HACE1: variants seen among roughly 807,000 people sequenced by gnomAD.
HACE1 encodes the protein E3 ubiquitin-protein ligase HACE1.
Under a neutral mutation model 118.4 loss-of-function variants are expected in HACE1, and 73 were observed. That is an observed-to-expected ratio of 0.62 (90% CI 0.51 to 0.75). The LOEUF (loss-of-function observed/expected upper bound fraction) is 0.75. HACE1 is among the 30% of genes least tolerant of loss of function. The probability of loss-of-function intolerance (pLI) is 0.00; values close to 1 mark genes in which losing one functional copy is unlikely to be tolerated. For synonymous variants in HACE1, 368 were observed against 374.8 expected, an observed-to-expected ratio of 0.98 and a Z score of 0.21; for missense variants, 749 against 1,102.2, an observed-to-expected ratio of 0.68 and a Z score of 4.54.
At position 104,784,993 on chromosome 6, in the gene HACE1, C is replaced by T. The variant is rs772890597; in HGVS notation, c.1401G>A (p.Met467Ile). 1.2e-6 allele frequency: 2 copies of T among 1,609,442 alleles called. No individual in the cohort carries two copies. Among genetic ancestry groups the T allele is most frequent in the South Asian group, 1.1e-5 (1 of 90,416 alleles). ...QAFYMCCSCQMPPGMTSPRFI... is the reference protein window; with the variant it reads ...QAFYMCCSCQIPPGMTSPRFI... The stretch of plus-strand genomic sequence containing the variant: ...AGCCAAAACTTTCTTACCCCGGAGG[C>T]ATCTGACAAGAACAGCACATGTAAA... The change falls in exon 12 of 24, where the codon ATG becomes ATA. Residue 467 changes from methionine to isoleucine, a missense_variant. By Grantham distance (10) the Met-to-Ile change is conservative. Around this residue, in one of 5 missense-constraint regions of HACE1, gnomAD observed 195 missense variants for 322.1 expected, o/e 0.61. Transcript: ENST00000262903.
chr6:104,777,517 T>C (rs543198937), intron 14 of HACE1, among the ~76,000 whole-genome samples, 200 bp from the exon 15 acceptor site: 1 of 152,348 alleles, frequency 6.6e-6, no homozygotes, highest in African/African-American at 2.4e-5. Flanking sequence ...TTTGACTACC[T>C]AGAGAAATGT....
At chr6:104,775,309 G>A (rs746397616) in intron 17 of HACE1, among the ~76,000 whole-genome samples, 12 of 151,988 alleles carry the variant, frequency 7.9e-5, no homozygotes, top group Non-Finnish European at 1.2e-4. Flanking sequence ...CCTTGAGCCC[G>A]GGAGGTCAAG....
rs754432975 is a variant in HACE1, at chr6:104,849,119, A to C, written c.326+23T>G. On this transcript the variant is annotated intron_variant, in intron 4 of 23. Coordinates refer to ENST00000262903, the MANE Select transcript of HACE1 (RefSeq NM_020771.4). ...AATAACTGATAATACAACTTAAGCCACTTAAGAAAACTAAATAGTTACCCA... is the reference window on the plus strand; with the variant it reads ...AATAACTGATAATACAACTTAAGCCCCTTAAGAAAACTAAATAGTTACCCA... 18 of 1,293,748 alleles carry C rather than the reference A, an allele frequency of 1.4e-5. No individual in the cohort carries two copies. In the African/African-American group the frequency reaches 2.5e-4, roughly 18 times the overall value. 80.1% of individuals were successfully genotyped at this position (1,293,748 alleles called of 1,614,324 possible).
intron 19 of HACE1, among the ~76,000 whole-genome samples, chr6:104,764,931 T>A (rs1433331033): frequency 6.6e-6 from 1 of 152,224 alleles, no homozygotes; most frequent in Non-Finnish European, 1.5e-5. Flanking sequence ...CTTTACTCAC[T>A]GTGTTCCAAG....
chr6:104,772,720 T>A (rs777981659), intron 17 of HACE1, among the ~76,000 whole-genome samples: 3 of 152,070 alleles, frequency 2.0e-5, no homozygotes, highest in Non-Finnish European at 4.4e-5. Flanking sequence ...AAAGTAAAAA[T>A]GGCAAGGGCA....
At chr6:104,737,255 C>T (rs1475389146) in intron 22 of HACE1, among the ~76,000 whole-genome samples, 4 of 137,276 alleles carry the variant, frequency 2.9e-5, no homozygotes, top group African/African-American at 1.1e-4. Context: ...TGCACTCCAG[C>T]CTGGGGGACA....
Position 104,796,684 on chromosome 6 carries a change from T to G in HACE1, c.787A>C (p.Thr263Pro), listed in dbSNP as rs781480828. The G allele has an allele frequency of 6.4e-7, 1 of 1,570,698 alleles. No individual in the cohort carries two copies. The highest frequency in any genetic ancestry group is 2.2e-5 in the East Asian group (1 of 44,564). Residue 263 changes from threonine to proline, a missense_variant, in exon 9 of 24, where the codon ACA (threonine) becomes CCA (proline). Physicochemically the swap from Thr to Pro is conservative, Grantham distance 38. Around this residue, in one of 5 missense-constraint regions of HACE1, gnomAD observed 267 missense variants for 312.2 expected, o/e 0.86. Transcript: ENST00000262903. ...PRLFQTIIQMTQNEDLRENML... is the reference protein window; with the variant it reads ...PRLFQTIIQMPQNEDLRENML... Reference sequence around the variant, plus strand: ...TTTTCTCGGAGGTCTTCATTCTGTGTCATTTGAATAATAGTCTGAAAAAGC... The same window carrying G: ...TTTTCTCGGAGGTCTTCATTCTGTGGCATTTGAATAATAGTCTGAAAAAGC...
chr6:104,781,849 C>T (rs548475493), intron 14 of HACE1, among the ~76,000 whole-genome samples: 67 of 152,290 alleles, frequency 4.4e-4, no homozygotes, highest in African/African-American at 1.6e-3. Context: ...GCCACCACTA[C>T]ACATGTAGAC....
intron 6 of HACE1, among the ~76,000 whole-genome samples, chr6:104,813,147 T>A (rs946360542): frequency 7.2e-6 from 1 of 138,320 alleles, no homozygotes; most frequent in African/African-American, 2.9e-5. Context: ...AAGACTTGCA[T>A]CAGAAAAGAA....
At chr6:104,729,791 A>G in intron 23 of HACE1, 27 bp from the exon 24 acceptor site, 2 of 935,268 alleles carry the variant, frequency 2.1e-6, no homozygotes, top group Admixed American at 1.7e-5. Flanking sequence ...TACCACCATT[A>G]AACAGGAAAT....
chr6:104,753,414 C>T (rs2400054), intron 19 of HACE1, among the ~76,000 whole-genome samples: 36,079 of 152,106 alleles, frequency 0.24, 4,702 homozygotes, highest in African/African-American at 0.35. Flanking sequence ...TTAGGCAAGT[C>T]CCTGATCCCA....
intron 7 of HACE1, among the ~76,000 whole-genome samples, chr6:104,805,707 A>T (rs1770917604): frequency 6.6e-6 from 1 of 152,106 alleles, no homozygotes; most frequent in African/African-American, 2.4e-5. Context: ...CTTGTCGGGA[A>T]GTCAGGGGGC....
chr6:104,803,213 C>G (rs1032717454), intron 7 of HACE1, among the ~76,000 whole-genome samples: 1 of 152,044 alleles, frequency 6.6e-6, no homozygotes, highest in African/African-American at 2.4e-5. Flanking sequence ...GCCTACCAAC[C>G]AAAAAAAGTC....
At chr6:104,764,814 AT>A (rs765609483) in intron 19 of HACE1, among the ~76,000 whole-genome samples, 5 of 152,168 alleles carry the variant, frequency 3.3e-5, no homozygotes, top group African/African-American at 4.8e-5. Flanking sequence ...GTCAAACATC[AT>A]TTCTTTCACT....
intron 5 of HACE1, among the ~76,000 whole-genome samples, chr6:104,836,542 G>A (rs916049927): frequency 1.3e-5 from 2 of 151,908 alleles, no homozygotes; most frequent in South Asian, 2.1e-4. Flanking sequence ...GTGTAACCCC[G>A]TCTCTATTAA....
chr6:104,771,424 GT>G, intron 18 of HACE1, 35 bp from the exon 19 acceptor site: 2 of 1,414,760 alleles, frequency 1.4e-6, no homozygotes, highest in African/African-American at 2.8e-5. Flanking sequence ...TTATAGTCTG[GT>G]TTTGCCTTCC....
At chr6:104,831,600 A>ATTCT in intron 6 of HACE1, among the ~76,000 whole-genome samples, 1 of 150,510 alleles carries the variant, frequency 6.6e-6, no homozygotes, top group Non-Finnish European at 1.5e-5. Flanking sequence ...AAAAAAGAAA[A>ATTCT]GAAAAGAAAG....
At chr6:104,832,000 A>AAGAGAAGAG (rs1774027502) in intron 6 of HACE1, among the ~76,000 whole-genome samples, 1 of 118,798 alleles carries the variant, frequency 8.4e-6, no homozygotes, top group Non-Finnish European at 2.0e-5. Context: ...GGAAGGAAGG[A>AAGAGAAGAG]AGGAAGGAAG....
intron 5 of HACE1, among the ~76,000 whole-genome samples, chr6:104,833,923 T>C (rs895365527): frequency 6.6e-6 from 1 of 151,990 alleles, no homozygotes; most frequent in African/African-American, 2.4e-5. Context: ...AGGCGGCAGT[T>C]GCGGTGAGCT....
Sources: allele counts gnomAD v4.1 joint callset (sites outside exome capture counted in the v4.1 genomes callset), GRCh38; gene constraint gnomAD v4.1.1; regional missense constraint gnomAD v4.1.1; transcripts MANE v1.5; gene names NCBI Gene and HGNC (gene_info 2026-07-23, HGNC 2026-07-21).